B4GALT1: variants seen among roughly 807,000 people sequenced by gnomAD.
B4GALT1 encodes N-acetyllactosamine synthase.
Under a neutral mutation model 34.9 loss-of-function variants are expected in B4GALT1, and 16 were observed. The ratio of observed to expected loss-of-function variants is 0.46; its 90% CI spans 0.31 to 0.70. The LOEUF is 0.70. Ranked by LOEUF, B4GALT1 falls within the 30% of genes least tolerant of loss-of-function variation. The pLI, the probability that B4GALT1 is intolerant of heterozygous loss-of-function variation, is 0.05. For missense variants in B4GALT1, 445 were observed against 530.5 expected (o/e 0.84, Z 1.58); for synonymous variants, 221 against 218.1 (o/e 1.01, Z -0.12).
chr9:33,184,711 A>C, the B4GALT1 span, among the ~76,000 whole-genome samples: 1 of 152,370 alleles, frequency 6.6e-6, no homozygotes, highest in Admixed American at 6.5e-5. Context: ...TCCACAGATC[A>C]CACTTTGAGC....
At chr9:33,142,686 C>T (rs1489907143) in intron 1 of B4GALT1, among the ~76,000 whole-genome samples, 3 of 152,070 alleles carry the variant, frequency 2.0e-5, no homozygotes, top group Non-Finnish European at 4.4e-5. Flanking sequence ...GCATGATTAT[C>T]GAACTCCTGG....
chr9:33,169,666 G>A (rs1350949212), upstream of B4GALT1, among the ~76,000 whole-genome samples: 1 of 151,948 alleles, frequency 6.6e-6, no homozygotes, highest in African/African-American at 2.4e-5. Flanking sequence ...GATTACAGGT[G>A]CCTGCCATCA....
In B4GALT1 at chr9:33,113,602, C is replaced by A; in HGVS notation, c.1065-16G>T. The A allele has an allele frequency of 6.2e-7, 1 of 1,614,178 alleles. No individual in the cohort carries two copies. ...TCGGTCAAACCTACAAGGAAAAGAG[C>A]ACAAGGAGATTGTCTTAAAACAAAA... On this transcript the variant is annotated splice_polypyrimidine_tract_variant and intron_variant, in intron 5 of 5. Coordinates refer to ENST00000379731, the MANE Select transcript of B4GALT1 (RefSeq NM_001497.4).
At chr9:33,145,221 T>C (rs888856638) in intron 1 of B4GALT1, among the ~76,000 whole-genome samples, 1 of 152,078 alleles carries the variant, frequency 6.6e-6, no homozygotes, top group African/African-American at 2.4e-5. Flanking sequence ...ACCCCATCAA[T>C]TTTAAAATAA....
upstream of B4GALT1, among the ~76,000 whole-genome samples, chr9:33,170,781 C>T (rs1255055761): frequency 6.6e-6 from 1 of 152,244 alleles, no homozygotes; most frequent in Non-Finnish European, 1.5e-5. Context: ...CAGACATTAA[C>T]TGGTGCTAGT....
chr9:33,179,468 A>C, the B4GALT1 span: 2 of 152,196 alleles, frequency 1.3e-5, no homozygotes, highest in Non-Finnish European at 1.5e-5. Context: ...CTTTGTGTGC[A>C]CACCTCCAGT....
intron 2 of B4GALT1, among the ~76,000 whole-genome samples, chr9:33,132,302 A>C (rs1840204718): frequency 6.6e-6 from 1 of 152,156 alleles, no homozygotes; most frequent in African/African-American, 2.4e-5. Flanking sequence ...AGGAGATGCT[A>C]ACTTAGGCCC....
intron 1 of B4GALT1, among the ~76,000 whole-genome samples, chr9:33,158,810 G>C (rs1158815170): frequency 5.9e-5 from 9 of 152,144 alleles, no homozygotes; most frequent in African/African-American, 2.2e-4. Flanking sequence ...CTACTACTAA[G>C]GGACTGCCCA....
chr9:33,162,865 G>A (rs1840693484), intron 1 of B4GALT1, among the ~76,000 whole-genome samples: 1 of 152,152 alleles, frequency 6.6e-6, no homozygotes, highest in South Asian at 2.1e-4. Context: ...CTAAGAAAGC[G>A]ACCAAGTTTC....
At position 33,111,993 on chromosome 9, in the gene B4GALT1, T is replaced by A. The variant is rs564383128; in HGVS notation, c.*1461A>T. On this transcript the variant is annotated 3_prime_UTR_variant, in exon 6 of 6. Transcript: ENST00000379731. ...TCTAGATCACTAATTAAAAGGCACA[T>A]TCATGCTGGGGAATGGATAGTCTGT... The A allele has an allele frequency of 3.1e-4, 47 of 152,756 alleles. No individual in the cohort carries two copies. Among genetic ancestry groups the A allele is most frequent in the African/African-American group, 1.0e-3 (42 of 41,554 alleles). The allele number at this position is 152,756 out of a possible 1,614,324, so 9.5% of individuals were successfully genotyped here.
intron 1 of B4GALT1, among the ~76,000 whole-genome samples, chr9:33,161,720 A>T (rs1361886113): frequency 6.6e-6 from 1 of 152,216 alleles, no homozygotes; most frequent in Non-Finnish European, 1.5e-5. Context: ...ATTTGTCCTA[A>T]AACAACTGGA....
chr9:33,149,938 G>A (rs1250071644), intron 1 of B4GALT1, among the ~76,000 whole-genome samples: 1 of 152,054 alleles, frequency 6.6e-6, no homozygotes, highest in East Asian at 1.9e-4. Flanking sequence ...ACAACACATG[G>A]TTTTCTTCTA....
intron 1 of B4GALT1, among the ~76,000 whole-genome samples, chr9:33,158,650 G>A (rs558208420): frequency 4.6e-4 from 70 of 152,302 alleles, no homozygotes; most frequent in Non-Finnish European, 9.0e-4. Flanking sequence ...GAGAGACAGA[G>A]ATGCTAAAAT....
chr9:33,116,625 T>A (rs1007846780), intron 3 of B4GALT1, among the ~76,000 whole-genome samples: 1 of 147,500 alleles, frequency 6.8e-6, no homozygotes, highest in African/African-American at 2.5e-5. Flanking sequence ...GGTTTTCAAG[T>A]AATTCTCCTG....
At chr9:33,160,177 T>C (rs919229617) in intron 1 of B4GALT1, among the ~76,000 whole-genome samples, 2 of 152,268 alleles carry the variant, frequency 1.3e-5, no homozygotes, top group Admixed American at 6.5e-5. Context: ...TCAACACTTT[T>C]TTTCCTTTTT....
chr9:33,110,354 C>T (rs908798716), downstream of B4GALT1, among the ~76,000 whole-genome samples: 2 of 152,120 alleles, frequency 1.3e-5, no homozygotes, highest in Non-Finnish European at 2.9e-5. Context: ...CCAAGAACTG[C>T]TAGGGGAAAA....
rs182263874 is a variant in B4GALT1, at chr9:33,126,707, A to G, written c.649-6101T>C. The stretch of plus-strand genomic sequence containing the variant: ...TCAACAAAACTTGGATCTGAGATTT[A>G]AACTCTTCACCCCAGTGAGTGAGAG... On this transcript the variant is annotated intron_variant, in intron 2 of 5. Coordinates refer to ENST00000379731, the MANE Select transcript of B4GALT1 (RefSeq NM_001497.4). Among the ~76,000 whole-genome samples the G allele has an allele frequency of 3.2e-4, 12 of 37,332 alleles. No homozygotes were observed. The East Asian group carries it at 4.3e-3, about 13-fold the overall frequency. The allele number at this position is 37,332 out of a possible 152,430, so 24.5% of individuals were successfully genotyped here. A position where few individuals can be genotyped will look rare whatever the true frequency, so the allele number is the denominator to read the frequency against.
intron 2 of B4GALT1, among the ~76,000 whole-genome samples, chr9:33,128,100 T>A (rs1840140025): frequency 6.6e-6 from 1 of 150,732 alleles, no homozygotes; most frequent in South Asian, 2.1e-4. Flanking sequence ...GGCATTCCTC[T>A]CTCTCTCTCT....
intron 2 of B4GALT1, among the ~76,000 whole-genome samples, chr9:33,132,406 G>A (rs1840206300): frequency 6.6e-6 from 1 of 152,164 alleles, no homozygotes. Flanking sequence ...ACACTTCTGG[G>A]GTTACAGTGT....
Sources: gnomAD v4.1 joint callset for allele counts (sites outside exome capture counted in the v4.1 genomes callset) on GRCh38, gnomAD v4.1.1 for gene constraint, MANE v1.5 for transcripts, NCBI Gene and HGNC (gene_info 2026-07-23, HGNC 2026-07-21) for gene names.